The following CHRM3 variants were observed in gnomAD, a reference collection of about 807,000 sequenced individuals.
CHRM3 encodes the protein cholinergic receptor muscarinic 3.
In CHRM3, 11 loss-of-function variants were observed where a neutral mutation model predicts 41.8. The ratio of observed to expected loss-of-function variants is 0.26; its 90% CI spans 0.17 to 0.44. The LOEUF (loss-of-function observed/expected upper bound fraction) is 0.44, where lower values mean the gene tolerates loss of function less well. Among genes scored for constraint, CHRM3 ranks in the 20% least tolerant of loss-of-function variants. CHRM3 has a pLI of 1.00. For missense variants in CHRM3, 571 were observed against 745.4 expected (o/e 0.77, Z 2.72); for synonymous variants, 297 against 301.4 (o/e 0.99, Z 0.15).
chr1:239,759,186 TTTTTTTTTTTAG>T (rs1186018580), intron 5 of CHRM3, among the ~76,000 whole-genome samples: 1 of 134,420 alleles, frequency 7.4e-6, no homozygotes, highest in African/African-American at 3.3e-5. Flanking sequence ...TTTTTTGTTT[TTTTTTTTTTTAG>T]AGAGAGGCTT....
intron 5 of CHRM3, among the ~76,000 whole-genome samples, chr1:239,687,035 A>G (rs527246534): frequency 6.6e-6 from 1 of 152,166 alleles, no homozygotes; most frequent in Non-Finnish European, 1.5e-5. Context: ...CTTAATATCA[A>G]ATGTTATCCA....
intron 5 of CHRM3, among the ~76,000 whole-genome samples, chr1:239,813,491 T>C (rs1350064349): frequency 6.6e-6 from 1 of 152,142 alleles, no homozygotes; most frequent in African/African-American, 2.4e-5. Context: ...TGTTTCTTTA[T>C]ACTATTAATT....
chr1:239,521,994 A>G (rs1213724893), intron 2 of CHRM3, among the ~76,000 whole-genome samples: 4 of 152,034 alleles, frequency 2.6e-5, no homozygotes, highest in African/African-American at 9.7e-5. Flanking sequence ...CAATGCCCCA[A>G]GGATACTGAG....
At chr1:239,637,968 T>C (rs1670673622) in intron 4 of CHRM3, among the ~76,000 whole-genome samples, 1 of 136,238 alleles carries the variant, frequency 7.3e-6, no homozygotes, top group African/African-American at 2.8e-5. Context: ...TGTGTCCACG[T>C]GTTCTCATTG....
At chr1:239,705,988 T>A (rs181190834) in intron 5 of CHRM3, among the ~76,000 whole-genome samples, 14 of 151,422 alleles carry the variant, frequency 9.2e-5, no homozygotes, top group African/African-American at 3.4e-4. Flanking sequence ...ATGTTGTAAG[T>A]CTGATAAGGA....
intron 2 of CHRM3, among the ~76,000 whole-genome samples, chr1:239,513,232 TG>T (rs1358054096): frequency 6.6e-6 from 1 of 152,190 alleles, no homozygotes; most frequent in Non-Finnish European, 1.5e-5. Flanking sequence ...TGATCTTATT[TG>T]GGGGGCCTTG....
At chr1:239,661,525 T>C (rs539041272) in intron 4 of CHRM3, among the ~76,000 whole-genome samples, 210 of 152,262 alleles carry the variant, frequency 1.4e-3, no homozygotes, top group South Asian at 4.1e-3. Flanking sequence ...GGAGGACCCT[T>C]AAATGGATAT....
intron 4 of CHRM3, among the ~76,000 whole-genome samples, chr1:239,672,217 G>A (rs1674443752): frequency 6.6e-6 from 1 of 152,156 alleles, no homozygotes; most frequent in Non-Finnish European, 1.5e-5. Context: ...TTGGCAATGA[G>A]GACGGGATGC....
At chr1:239,469,625 C>T (rs143468581) in intron 1 of CHRM3, among the ~76,000 whole-genome samples, 218 of 152,188 alleles carry the variant, frequency 1.4e-3, no homozygotes, top group African/African-American at 2.1e-3. Flanking sequence ...GGCACAGTCT[C>T]GGCTCACTGC....
In CHRM3 at chr1:239,910,315, A is replaced by ATG. The variant is rs367567825; in HGVS notation, c.*1095_*1096dup. On this transcript the variant is annotated 3_prime_UTR_variant, in exon 7 of 7. Transcript: ENST00000676153. The stretch of plus-strand genomic sequence containing the variant: ...ATGTCATACACAGCAATATATATAT[A>ATG]TGTGTATATATATATATATGGCAAA... 1 of 156,264 alleles carries ATG rather than the reference A, an allele frequency of 6.4e-6. No homozygotes were observed. The highest frequency in any genetic ancestry group is 1.5e-5 in the Non-Finnish European group (1 of 66,780). 9.7% of individuals were successfully genotyped at this position (156,264 alleles called of 1,614,324 possible).
chr1:239,705,918 A>G (rs1329222509), intron 5 of CHRM3, among the ~76,000 whole-genome samples: 1 of 151,990 alleles, frequency 6.6e-6, no homozygotes, highest in Non-Finnish European at 1.5e-5. Flanking sequence ...TGAGATGCAA[A>G]GTTGTAATAC....
intron 3 of CHRM3, among the ~76,000 whole-genome samples, chr1:239,571,041 C>T (rs984185555): frequency 9.2e-5 from 14 of 152,108 alleles, no homozygotes; most frequent in Admixed American, 5.9e-4. Flanking sequence ...GACTCCTGTG[C>T]CCAGCTGCCT....
intron 5 of CHRM3, among the ~76,000 whole-genome samples, chr1:239,742,855 C>G (rs979175147): frequency 2.0e-5 from 3 of 152,190 alleles, no homozygotes; most frequent in Non-Finnish European, 4.4e-5. Flanking sequence ...CTCGTGATAG[C>G]TGAAATGAAA....
chr1:239,715,915 G>C (rs1572076888), intron 5 of CHRM3, among the ~76,000 whole-genome samples: 1 of 152,076 alleles, frequency 6.6e-6, no homozygotes, highest in East Asian at 1.9e-4. Flanking sequence ...GATGTGGAAG[G>C]AAATTTGGAC....
chr1:239,410,266 A>C (rs1660961850), intron 1 of CHRM3, among the ~76,000 whole-genome samples: 1 of 152,016 alleles, frequency 6.6e-6, no homozygotes, highest in Non-Finnish European at 1.5e-5. Flanking sequence ...CCTTCAATCC[A>C]GTGTTTCTCA....
intron 1 of CHRM3, among the ~76,000 whole-genome samples, chr1:239,432,582 G>A (rs1572277061): frequency 6.6e-6 from 1 of 152,288 alleles, no homozygotes; most frequent in South Asian, 2.1e-4. Context: ...TGTAAGTGCT[G>A]TGCTAGGATA....
chr1:239,841,342 G>A (rs1482028475), intron 6 of CHRM3, among the ~76,000 whole-genome samples: 1 of 152,134 alleles, frequency 6.6e-6, no homozygotes, highest in Non-Finnish European at 1.5e-5. Flanking sequence ...AGGGATGTGG[G>A]ATTTGGTGGG....
At chr1:239,759,536 T>G (rs1258249505) in intron 5 of CHRM3, among the ~76,000 whole-genome samples, 1 of 152,114 alleles carries the variant, frequency 6.6e-6, no homozygotes, top group Non-Finnish European at 1.5e-5. Flanking sequence ...GCCTTATCAC[T>G]CCAATAAAAC....
rs565233655 is a variant in CHRM3, at chr1:239,475,097, G to T, written c.-520-17612G>T. Among the ~76,000 whole-genome samples the T allele has an allele frequency of 5.3e-5, 8 of 151,906 alleles. No homozygotes were observed. In the South Asian group the frequency reaches 6.2e-4, roughly 12 times the overall value. Reference sequence around the variant, plus strand: ...TACAATTAAGAGGAAGGTCTGTGAAGAACAAAAAACAATTAGGAAAATGGA... The same window carrying T: ...TACAATTAAGAGGAAGGTCTGTGAATAACAAAAAACAATTAGGAAAATGGA... On this transcript the variant is annotated intron_variant, in intron 1 of 6. Coordinates refer to ENST00000676153, the MANE Select transcript of CHRM3 (RefSeq NM_001375978.1).
Sources: gnomAD v4.1 joint callset for allele counts (sites outside exome capture counted in the v4.1 genomes callset) on GRCh38, gnomAD v4.1.1 for gene constraint, MANE v1.5 for transcripts, NCBI Gene and HGNC (gene_info 2026-07-23, HGNC 2026-07-21) for gene names.